Variants in SMAD5 observed in about 807,000 individuals in gnomAD.
The protein encoded by SMAD5 is MAD, mothers against decapentaplegic homolog 5.
SMAD5 carries 9 observed loss-of-function variants against 43.1 expected under a neutral mutation model. The observed-to-expected ratio is 0.21, with a 90% CI of 0.13 to 0.36. The LOEUF is 0.36. Ranked by LOEUF, SMAD5 falls within the 10% of genes least tolerant of loss-of-function variation. The pLI is 1.00. For missense variants in SMAD5, 348 were observed against 574.0 expected, an observed-to-expected ratio of 0.61 and a Z score of 4.02; for synonymous variants, 190 against 192.4, an observed-to-expected ratio of 0.99 and a Z score of 0.10.
At chr5:136,161,136 A>G (rs776953150) in intron 4 of SMAD5, 29 bp downstream of exon 4, 1 of 1,594,042 alleles carries the variant, frequency 6.3e-7, no homozygotes, top group Non-Finnish European at 8.5e-7. Flanking sequence ...GATACCAAAA[A>G]AAAAAAAATT....
At chr5:136,176,677 A>G (rs1389520264) in intron 7 of SMAD5, among the ~76,000 whole-genome samples, 1 of 152,146 alleles carries the variant, frequency 6.6e-6, no homozygotes, top group Non-Finnish European at 1.5e-5. Flanking sequence ...TTTAGAATGT[A>G]AAATATGAAA....
At chr5:136,147,204 A>C (rs927275602) in intron 1 of SMAD5, among the ~76,000 whole-genome samples, 1 of 151,804 alleles carries the variant, frequency 6.6e-6, no homozygotes, top group African/African-American at 2.4e-5. Flanking sequence ...TAAGATCACC[A>C]CAAAAAAAAT....
Position 136,165,373 on chromosome 5 carries a change from T to G in SMAD5, c.775+1982T>G, listed in dbSNP as rs114818554. On this transcript the variant is annotated intron_variant, in intron 5 of 7. Transcript: ENST00000545279. Reference sequence around the variant, plus strand: ...TGTTGCCCAGGCTGGCCCTGTTTTTTTTTGTTTGTTTGTTTGTTTTTTTAT... The same window carrying G: ...TGTTGCCCAGGCTGGCCCTGTTTTTGTTTGTTTGTTTGTTTGTTTTTTTAT... Among the ~76,000 whole-genome samples, 757 of 152,098 alleles carry G rather than the reference T, an allele frequency of 5.0e-3. 5 individuals are homozygous for G. Among genetic ancestry groups the G allele is most frequent in the African/African-American group, 0.016 (668 of 41,500 alleles).
chr5:136,172,370 AAC>A, intron 5 of SMAD5, 62 bp from the exon 6 acceptor site: 1 of 960,614 alleles, frequency 1.0e-6, no homozygotes, highest in Non-Finnish European at 1.6e-6. Flanking sequence ...TTAAAAGATA[AAC>A]ACATGGACAA....
intron 1 of SMAD5, among the ~76,000 whole-genome samples, chr5:136,137,191 C>A (rs1752914117): frequency 6.6e-6 from 1 of 150,650 alleles, no homozygotes; most frequent in Admixed American, 6.6e-5. Context: ...GTGTGCAATA[C>A]TATAATTGTA....
intron 1 of SMAD5, among the ~76,000 whole-genome samples, chr5:136,141,592 G>A (rs1469804234): frequency 6.6e-6 from 1 of 152,166 alleles, no homozygotes; most frequent in African/African-American, 2.4e-5. Context: ...CTTGGCTAGT[G>A]CTGATAAACC....
intron 1 of SMAD5, among the ~76,000 whole-genome samples, chr5:136,144,383 C>T (rs910108451): frequency 2.6e-5 from 4 of 151,758 alleles, no homozygotes; most frequent in African/African-American, 9.7e-5. Context: ...TTAATACGGC[C>T]CTAGTAAGAG....
intron 1 of SMAD5, among the ~76,000 whole-genome samples, chr5:136,144,886 G>A (rs1446878336): frequency 6.6e-6 from 1 of 151,614 alleles, no homozygotes; most frequent in Admixed American, 6.6e-5. Flanking sequence ...GAGACAGAAG[G>A]AAAGTTCATT....
intron 5 of SMAD5, among the ~76,000 whole-genome samples, chr5:136,169,568 G>C (rs1754142947): frequency 6.6e-6 from 1 of 152,214 alleles, no homozygotes; most frequent in Admixed American, 6.5e-5. Flanking sequence ...GAGCAATTAT[G>C]AGTAAAGCTG....
At position 136,161,113 on chromosome 5, in the gene SMAD5, A is replaced by G; in HGVS notation, c.655+6A>G. On this transcript the variant is annotated splice_donor_region_variant and intron_variant, in intron 4 of 7. Coordinates refer to ENST00000545279, the MANE Select transcript of SMAD5 (RefSeq NM_005903.7). ...AAGTCCATTTCAGCTCCCAGGTAAG[A>G]CTTTATTTTATTGATACCAAAAAAA... 1.2e-6 allele frequency: 2 copies of G among 1,604,806 alleles called. No homozygotes were observed. The highest frequency in any genetic ancestry group is 1.7e-6 in the Non-Finnish European group (2 of 1,177,800).
At chr5:136,163,516 T>A in intron 5 of SMAD5, 125 bp downstream of exon 5, 2 of 705,026 alleles carry the variant, frequency 2.8e-6, no homozygotes, top group Non-Finnish European at 4.3e-6. Context: ...GTTTTAAGTG[T>A]ATGATTCAAA....
At chr5:136,153,315 G>A (rs1753528137) in intron 2 of SMAD5, among the ~76,000 whole-genome samples, 1 of 152,076 alleles carries the variant, frequency 6.6e-6, no homozygotes, top group East Asian at 1.9e-4. Flanking sequence ...CCTAATCAAA[G>A]GGAGTCCAGA....
intron 1 of SMAD5, among the ~76,000 whole-genome samples, chr5:136,144,363 A>G (rs1411773636): frequency 6.6e-6 from 1 of 152,016 alleles, no homozygotes; most frequent in Non-Finnish European, 1.5e-5. Context: ...TAGCCTTCTG[A>G]AAGTTTGGTT....
chr5:136,168,912 T>C (rs1754117792), intron 5 of SMAD5, among the ~76,000 whole-genome samples: 1 of 152,172 alleles, frequency 6.6e-6, no homozygotes, highest in South Asian at 2.1e-4. Context: ...TTTTAGCATC[T>C]CTATTAGGGT....
rs74583587 is a variant in SMAD5 at position 136,154,618 on chromosome 5, T to A, written c.403+455T>A. On this transcript the variant is annotated intron_variant, in intron 3 of 7. Transcript: ENST00000545279. ...CCTAAAATAAAACTTAAAAAAAAAT[T>A]CTGCTTTTCACTTCATTCACATAAC... 4.5e-4 allele frequency among the ~76,000 whole-genome samples: 68 copies of A among 152,270 alleles called. No individual in the cohort carries two copies. The East Asian group carries it at 0.013, about 29-fold the overall frequency.
At chr5:136,163,167 G>T in intron 4 of SMAD5, 105 bp from the exon 5 acceptor site, 4 of 920,316 alleles carry the variant, frequency 4.3e-6, no homozygotes, top group South Asian at 4.0e-5. Context: ...TGTGTGTGAT[G>T]TTCAGTAATG....
intron 1 of SMAD5, among the ~76,000 whole-genome samples, chr5:136,144,714 T>C (rs1753202112): frequency 6.6e-6 from 1 of 151,806 alleles, no homozygotes; most frequent in South Asian, 2.1e-4. Context: ...GCAAATAGAA[T>C]CTGCTCAGAA....
intron 1 of SMAD5, among the ~76,000 whole-genome samples, chr5:136,139,866 T>C (rs1753015233): frequency 6.6e-6 from 1 of 152,056 alleles, no homozygotes; most frequent in African/African-American, 2.4e-5. Flanking sequence ...TGGCTAATTT[T>C]TTAATTAAAA....
intron 1 of SMAD5, among the ~76,000 whole-genome samples, chr5:136,147,252 C>T (rs898937954): frequency 6.6e-6 from 1 of 151,702 alleles, no homozygotes; most frequent in Non-Finnish European, 1.5e-5. Flanking sequence ...AAAGCTAAAC[C>T]TTTCATTCCT....
Sources: gnomAD v4.1 joint callset for allele counts (sites outside exome capture counted in the v4.1 genomes callset) on GRCh38, gnomAD v4.1.1 for gene constraint, MANE v1.5 for transcripts, NCBI Gene and HGNC (gene_info 2026-07-23, HGNC 2026-07-21) for gene names.